The following EFHC2 variants were observed in gnomAD, a reference collection of about 807,000 sequenced individuals.
EFHC2 encodes EF-hand domain containing 2.
EFHC2 carries 18 observed loss-of-function variants against 52.7 expected under a neutral mutation model. That is an observed-to-expected ratio of 0.34 (90% CI 0.24 to 0.51). The LOEUF (loss-of-function observed/expected upper bound fraction) is 0.51, where lower values mean the gene tolerates loss of function less well. Ranked by LOEUF, EFHC2 falls within the 20% of genes least tolerant of loss-of-function variation. EFHC2 has a pLI of 0.97. For synonymous variants in EFHC2, 203 were observed against 204.1 expected (o/e 0.99, Z 0.04); for missense variants, 513 against 562.5 (o/e 0.91, Z 0.89).
chrX:44,272,985 C>T, intron 2 of EFHC2, 149 bp from the exon 3 acceptor site: 2 of 442,281 alleles, frequency 4.5e-6, no homozygotes, highest in Non-Finnish European at 7.7e-6. Flanking sequence ...ATCAGCCATG[C>T]GAATGGATAT....
At chrX:44,295,795 A>T (rs989729349) in intron 2 of EFHC2, among the ~76,000 whole-genome samples, 2 of 111,450 alleles carry the variant, frequency 1.8e-5, no homozygotes, top group African/African-American at 6.5e-5. Context: ...AGCATACACA[A>T]AAATATATCA....
intron 1 of EFHC2, among the ~76,000 whole-genome samples, chrX:44,338,452 C>G (rs1339613292): frequency 9.1e-6 from 1 of 110,102 alleles, no homozygotes; most frequent in African/African-American, 3.3e-5. Context: ...GTGCAGTGAA[C>G]TGTGAGCTGT....
intron 11 of EFHC2, among the ~76,000 whole-genome samples, chrX:44,191,121 G>A (rs754679771): frequency 8.9e-6 from 1 of 112,383 alleles, no homozygotes; most frequent in Non-Finnish European, 1.9e-5. Context: ...GGTGGGAAAA[G>A]ATGCTCCTTA....
chrX:44,270,332 T>C (rs981238657), intron 3 of EFHC2, among the ~76,000 whole-genome samples: 22 of 111,775 alleles, frequency 2.0e-4, no homozygotes, highest in African/African-American at 7.2e-4. Context: ...CTCTGCACAC[T>C]TAATGAGGTT....
At chrX:44,273,300 A>C (rs1239199073) in intron 2 of EFHC2, among the ~76,000 whole-genome samples, 1 of 111,601 alleles carries the variant, frequency 9.0e-6, no homozygotes, top group Non-Finnish European at 1.9e-5. Context: ...CAGGCAATTC[A>C]AGCAGGCATA....
At chrX:44,162,766 T>TC (rs1388443614) in intron 14 of EFHC2, among the ~76,000 whole-genome samples, 5 of 109,426 alleles carry the variant, frequency 4.6e-5, no homozygotes, top group Non-Finnish European at 9.5e-5. Context: ...TACTTCCTGT[T>TC]CCCCCCCAGT....
chrX:44,307,718 G>A (rs1295986067), intron 2 of EFHC2, among the ~76,000 whole-genome samples: 1 of 111,223 alleles, frequency 9.0e-6, no homozygotes, highest in African/African-American at 3.3e-5. Flanking sequence ...TGGATCACCT[G>A]AGGTCAGGAG....
intron 11 of EFHC2, among the ~76,000 whole-genome samples, chrX:44,184,807 G>A (rs896272412): frequency 9.2e-6 from 1 of 108,888 alleles, no homozygotes; most frequent in African/African-American, 3.4e-5. Flanking sequence ...CTTTTCCTCA[G>A]TGTCATTCAT....
intron 2 of EFHC2, among the ~76,000 whole-genome samples, chrX:44,305,271 TAATAA>T (rs1266563536): frequency 1.8e-5 from 2 of 109,547 alleles, no homozygotes; most frequent in Non-Finnish European, 3.8e-5. Context: ...CAAAAAAAAA[TAATAA>T]AATAAAACAA....
chrX:44,176,324 C>T lies in EFHC2; in HGVS notation c.2010G>A (p.Leu670=). 2 of 1,200,883 alleles carry T rather than the reference C, an allele frequency of 1.7e-6. No individual in the cohort carries two copies. The highest frequency in any genetic ancestry group is 2.2e-6 in the Non-Finnish European group (2 of 890,678). ...ATAAGGATTCTAGAAGATCATCACTCAAAGGTAATCTGGAGGATTTGCACA... is the reference window on the plus strand; with the variant it reads ...ATAAGGATTCTAGAAGATCATCACTTAAAGGTAATCTGGAGGATTTGCACA... ...KRLCKSSRLP[L]SDDLLESLLS... Residue 670 remains leucine, a synonymous_variant, in exon 13 of 15, where the codon TTG becomes TTA. Coordinates refer to ENST00000420999, the MANE Select transcript of EFHC2 (RefSeq NM_025184.4).
At chrX:44,289,677 C>CTTTTTTTTTTT (rs1207899077) in intron 2 of EFHC2, among the ~76,000 whole-genome samples, 7 of 72,295 alleles carry the variant, frequency 9.7e-5, no homozygotes, top group East Asian at 4.6e-4. Context: ...TCTTTTCTTT[C>CTTTTTTTTTTT]TTTTTTTTTT....
intron 1 of EFHC2, among the ~76,000 whole-genome samples, chrX:44,325,573 A>G (rs2038046831): frequency 1.8e-5 from 2 of 109,980 alleles, no homozygotes; most frequent in African/African-American, 6.6e-5. Flanking sequence ...TTAATCAATT[A>G]GTTATCAAGG....
intron 1 of EFHC2, among the ~76,000 whole-genome samples, chrX:44,321,010 A>G (rs902944602): frequency 8.9e-6 from 1 of 111,896 alleles, no homozygotes; most frequent in African/African-American, 3.2e-5. Flanking sequence ...TCTGGCCACA[A>G]TACAAAGAAC....
intron 2 of EFHC2, chrX:44,310,115 G>A (rs2037935833): frequency 4.3e-6 from 3 of 696,506 alleles, no homozygotes; most frequent in Admixed American, 2.2e-5. Context: ...ATCTCTCCTC[G>A]GGCTTCAGGG....
chrX:44,304,948 G>A (rs1361810787), intron 2 of EFHC2, among the ~76,000 whole-genome samples: 1 of 110,433 alleles, frequency 9.1e-6, no homozygotes, highest in Non-Finnish European at 1.9e-5. Flanking sequence ...TGGCCCTAGG[G>A]TGAGGCGATT....
chrX:44,278,928 G>A (rs1390864574), intron 2 of EFHC2, among the ~76,000 whole-genome samples: 1 of 111,845 alleles, frequency 8.9e-6, no homozygotes, highest in African/African-American at 3.3e-5. Context: ...TTTTGTTATA[G>A]AGGTCTCAGC....
At chrX:44,269,446 T>C (rs1259676492) in intron 3 of EFHC2, among the ~76,000 whole-genome samples, 1 of 110,852 alleles carries the variant, frequency 9.0e-6, no homozygotes, top group Non-Finnish European at 1.9e-5. Context: ...GTGTTGGAGA[T>C]GGGGCCTGCT....
intron 10 of EFHC2, among the ~76,000 whole-genome samples, chrX:44,230,186 CT>C (rs1211736015): frequency 9.0e-6 from 1 of 111,395 alleles, no homozygotes; most frequent in Non-Finnish European, 1.9e-5. Flanking sequence ...TGGGGTCCCC[CT>C]GGAACTGCTG....
At chrX:44,222,101 C>T (rs964498232) in intron 11 of EFHC2, among the ~76,000 whole-genome samples, 2 of 111,302 alleles carry the variant, frequency 1.8e-5, no homozygotes, top group Non-Finnish European at 3.8e-5. Context: ...TTCCTAAATG[C>T]CTATTTCCAC....
Sources: gnomAD v4.1 joint callset for allele counts (sites outside exome capture counted in the v4.1 genomes callset) on GRCh38, gnomAD v4.1.1 for gene constraint, MANE v1.5 for transcripts, NCBI Gene and HGNC (gene_info 2026-07-23, HGNC 2026-07-21) for gene names.